DENND1A: variants seen among roughly 807,000 people sequenced by gnomAD.
DENND1A encodes the protein DENN domain-containing protein 1A.
A neutral mutation model predicts 113.7 loss-of-function variants in DENND1A; 51 were observed. The observed-to-expected ratio is 0.45, with a 90% confidence interval of 0.36 to 0.57. The LOEUF (loss-of-function observed/expected upper bound fraction) is 0.57. DENND1A is among the 20% of genes least tolerant of loss of function. The pLI is 0.00. For synonymous variants in DENND1A, 565 were observed against 570.8 expected, an observed-to-expected ratio of 0.99 and a Z score of 0.14; for missense variants, 1,258 against 1,395.9, an observed-to-expected ratio of 0.90 and a Z score of 1.57.
At chr9:123,616,535 T>C (rs76040888) in intron 10 of DENND1A, among the ~76,000 whole-genome samples, 1,850 of 152,126 alleles carry the variant, frequency 0.012, 38 homozygotes, top group African/African-American at 0.042. Flanking sequence ...ATTTGCAACA[T>C]AGCAACAAAA....
intron 1 of DENND1A, among the ~76,000 whole-genome samples, chr9:123,921,645 TACTC>T (rs1856272912): frequency 6.6e-6 from 1 of 152,220 alleles, no homozygotes; most frequent in Non-Finnish European, 1.5e-5. Flanking sequence ...CTTCAAGTCT[TACTC>T]ATTCAATAAA....
chr9:123,441,622 G>GGGGCC (rs2046939603), intron 18 of DENND1A, among the ~76,000 whole-genome samples: 1 of 152,180 alleles, frequency 6.6e-6, no homozygotes, highest in Non-Finnish European at 1.5e-5. Flanking sequence ...GAACATGGAT[G>GGGGCC]GGGCCACTCA....
At chr9:123,537,024 T>C (rs1006801153) in intron 13 of DENND1A, among the ~76,000 whole-genome samples, 4 of 152,090 alleles carry the variant, frequency 2.6e-5, no homozygotes, top group Admixed American at 2.0e-4. Context: ...AGAGACAGAA[T>C]AACAGCCTTG....
chr9:123,753,769 A>G (rs2070278794), intron 5 of DENND1A, among the ~76,000 whole-genome samples: 1 of 152,212 alleles, frequency 6.6e-6, no homozygotes, highest in African/African-American at 2.4e-5. Flanking sequence ...ATAGGAGGAA[A>G]ACAAAGGAGG....
chr9:123,741,986 C>T (rs566502883), intron 5 of DENND1A, among the ~76,000 whole-genome samples: 7 of 152,320 alleles, frequency 4.6e-5, no homozygotes, highest in African/African-American at 1.2e-4. Flanking sequence ...ATTTGAAAGA[C>T]GTGTCCAATT....
At chr9:123,717,859 C>A (rs2067082180) in intron 5 of DENND1A, among the ~76,000 whole-genome samples, 2 of 152,164 alleles carry the variant, frequency 1.3e-5, no homozygotes, top group African/African-American at 4.8e-5. Context: ...GGAATAGCCC[C>A]CTATCCCTCC....
At chr9:123,648,326 T>C (rs1466058708) in intron 9 of DENND1A, among the ~76,000 whole-genome samples, 1 of 152,212 alleles carries the variant, frequency 6.6e-6, no homozygotes, top group Non-Finnish European at 1.5e-5. Context: ...ATCCTCCCAC[T>C]TTGGCCTCCC....
chr9:123,430,077 A>G (rs922857711), intron 19 of DENND1A, among the ~76,000 whole-genome samples: 4 of 152,370 alleles, frequency 2.6e-5, no homozygotes, highest in South Asian at 4.1e-4. Context: ...GCCAATGAAC[A>G]TATGAAAAAA....
chr9:123,382,193 C>A lies in DENND1A; in HGVS notation c.2452G>T (p.Val818Phe). 2 of 1,609,534 alleles carry A rather than the reference C, an allele frequency of 1.2e-6. No homozygotes were observed. The highest frequency in any genetic ancestry group is 1.7e-6 in the Non-Finnish European group (2 of 1,179,478). The change falls in exon 24 of 24, where the codon GTC (valine) becomes TTC (phenylalanine). Residue 818 changes from valine to phenylalanine, a missense_variant. Coordinates refer to ENST00000394215, the MANE Select transcript of DENND1A (RefSeq NM_001352964.2). ...AGCAGTTCAGTGGGGCCTTGGGGGA[C>A]AACACCAGGCAGGAGCCCTGGACTC... Reference protein sequence around the residue: ...ALSPGLLPGVVPQGPTELLQP... With the variant: ...ALSPGLLPGVFPQGPTELLQP...
chr9:123,785,151 G>T (rs1267470321), intron 3 of DENND1A, among the ~76,000 whole-genome samples: 3 of 151,902 alleles, frequency 2.0e-5, no homozygotes, highest in South Asian at 2.1e-4. Context: ...GTCATCCTGG[G>T]CAACATAGTA....
At chr9:123,728,243 C>T (rs534824445) in intron 5 of DENND1A, among the ~76,000 whole-genome samples, 3 of 151,614 alleles carry the variant, frequency 2.0e-5, no homozygotes, top group Non-Finnish European at 4.4e-5. Flanking sequence ...TTTGGGAGGC[C>T]AAGGCGGGCA....
intron 2 of DENND1A, among the ~76,000 whole-genome samples, chr9:123,836,923 T>C (rs570221691): frequency 6.6e-6 from 1 of 152,316 alleles, no homozygotes; most frequent in East Asian, 1.9e-4. Flanking sequence ...ACAACTACAT[T>C]TGTTATCTTC....
intron 13 of DENND1A, among the ~76,000 whole-genome samples, chr9:123,505,304 A>G (rs10986032): frequency 0.013 from 1,949 of 152,350 alleles, 25 homozygotes; most frequent in Non-Finnish European, 0.019. Context: ...ACAGGTTGCT[A>G]TAGTGGAGAT....
At chr9:123,479,110 A>G (rs1157751926) in intron 13 of DENND1A, among the ~76,000 whole-genome samples, 1 of 152,246 alleles carries the variant, frequency 6.6e-6, no homozygotes, top group Admixed American at 6.5e-5. Flanking sequence ...ATGGTAAGGC[A>G]TCTACCATCT....
intron 12 of DENND1A, among the ~76,000 whole-genome samples, chr9:123,559,382 C>A (rs1163485708): frequency 2.0e-5 from 3 of 152,152 alleles, no homozygotes; most frequent in African/African-American, 4.8e-5. Context: ...GGTATGACAT[C>A]ATTTAAAGAC....
chr9:123,601,192 T>C (rs926789172), intron 11 of DENND1A, among the ~76,000 whole-genome samples: 1 of 152,228 alleles, frequency 6.6e-6, no homozygotes, highest in African/African-American at 2.4e-5. Context: ...CAGAGGGCTA[T>C]TCCATCTCAC....
In DENND1A at chr9:123,381,827, C is replaced by T; in HGVS notation, c.2818G>A (p.Ala940Thr). The change falls in exon 24 of 24, where the codon GCC becomes ACC. Residue 940 changes from alanine to threonine, a missense_variant. Ala to Thr is a moderately conservative substitution (Grantham distance 58). Transcript: ENST00000394215. This position sits in a 1 kb window ranked among gnomAD's most constrained non-coding sequence, Gnocchi z 4.7. ...AGGTTGGGCTGAGACCTGTGAGGGG[C>T]ACAGAAGCCAGCACTGGACAGCAGG... ...GLLLSSAGFC[A>T]PHRSQPNLSA... The T allele has an allele frequency of 1.3e-6, 2 of 1,505,442 alleles. No individual in the cohort carries two copies. The highest frequency in any genetic ancestry group is 1.8e-6 in the Non-Finnish European group (2 of 1,127,988). The allele number at this position is 1,505,442 out of a possible 1,614,324, so 93.3% of individuals were successfully genotyped here.
chr9:123,613,085 C>T (rs1170877392), intron 10 of DENND1A, among the ~76,000 whole-genome samples: 1 of 148,354 alleles, frequency 6.7e-6, no homozygotes, highest in African/African-American at 2.5e-5. Context: ...GACAGGCACA[C>T]ACCATCTCTA....
At chr9:123,527,310 A>G (rs1029432867) in intron 13 of DENND1A, among the ~76,000 whole-genome samples, 1 of 152,048 alleles carries the variant, frequency 6.6e-6, no homozygotes, top group African/African-American at 2.4e-5. Flanking sequence ...TACCATAGCC[A>G]CCTTAAAAAA....
Sources: allele counts gnomAD v4.1 joint callset (sites outside exome capture counted in the v4.1 genomes callset), GRCh38; gene constraint gnomAD v4.1.1; non-coding constraint Gnocchi (gnomAD v3.1); transcripts MANE v1.5; gene names NCBI Gene and HGNC (gene_info 2026-07-23, HGNC 2026-07-21).